EML2: variants seen among roughly 807,000 people sequenced by gnomAD.
EML2 encodes echinoderm microtubule-associated protein-like 2.
In EML2, 59 loss-of-function variants were observed where a neutral mutation model predicts 84.7. The observed-to-expected ratio is 0.70, with a 90% CI of 0.56 to 0.86. EML2 has a LOEUF of 0.86. Among genes scored for constraint, EML2 ranks in the 40% least tolerant of loss-of-function variants. The pLI is 0.00. For missense variants in EML2, 818 were observed against 855.6 expected (o/e 0.96, Z 0.55); for synonymous variants, 352 against 348.9 (o/e 1.01, Z -0.10).
chr19:45,633,484 C>T (rs948385925), intron 4 of EML2, among the ~76,000 whole-genome samples: 5 of 150,778 alleles, frequency 3.3e-5, no homozygotes, highest in African/African-American at 9.7e-5. Flanking sequence ...GAGGCGGAGT[C>T]TCCCAGCACT....
intron 7 of EML2, 96 bp downstream of exon 7, chr19:45,629,855 A>T: frequency 2.0e-6 from 2 of 986,892 alleles, no homozygotes; most frequent in Non-Finnish European, 3.2e-6. Context: ...GCCAGGGCTT[A>T]AACACGGGTC....
chr19:45,638,599 G>C lies in EML2; in HGVS notation c.85C>G (p.Pro29Ala). The change falls in exon 3 of 19, where the codon CCT becomes GCT. Residue 29 changes from proline (P) to alanine (A), a missense_variant. By Grantham distance (27) the Pro-to-Ala change is conservative. Coordinates refer to ENST00000245925, the MANE Select transcript of EML2 (RefSeq NM_012155.4). ...GSVKMFLRGR[P>A]VPMMIPDELA... ...TCGTCTGGGATCATCATGGGCACAGGGCGGCCCCTCAGGAACATTTTCACG... is the reference window on the plus strand; with the variant it reads ...TCGTCTGGGATCATCATGGGCACAGCGCGGCCCCTCAGGAACATTTTCACG... 1 of 1,614,036 alleles carries C rather than the reference G, an allele frequency of 6.2e-7. No homozygotes were observed. Among genetic ancestry groups the C allele is most frequent in the Non-Finnish European group, 8.5e-7 (1 of 1,180,036 alleles).
upstream of EML2, chr19:45,644,660 A>T: frequency 2.2e-6 from 1 of 454,980 alleles, no homozygotes. Flanking sequence ...ACCAGGCCTC[A>T]CTTCCCACTT....
upstream of EML2, chr19:45,641,804 G>T: frequency 6.6e-7 from 1 of 1,524,912 alleles, no homozygotes; most frequent in Non-Finnish European, 8.8e-7. Context: ...GGCGAGTGCC[G>T]TGAGCAAGCG....
At chr19:45,645,009 C>T (rs1568502979), upstream of EML2, 5 of 560,498 alleles carry the variant, frequency 8.9e-6, no homozygotes, top group Non-Finnish European at 1.6e-5. Flanking sequence ...CCCTTCCAAT[C>T]CCAGGTTCCT....
At chr19:45,623,939 C>T (rs1972012343) in intron 9 of EML2, among the ~76,000 whole-genome samples, 1 of 152,222 alleles carries the variant, frequency 6.6e-6, no homozygotes, top group South Asian at 2.1e-4. Context: ...CCTGCCTCAG[C>T]CCCTCAAAGT....
At chr19:45,612,789 G>A (rs1476658608) in intron 18 of EML2, among the ~76,000 whole-genome samples, 1 of 152,196 alleles carries the variant, frequency 6.6e-6, no homozygotes, top group Admixed American at 6.5e-5. Flanking sequence ...AGGAGTCACT[G>A]TACTAGTCTT....
At chr19:45,634,875 G>A (rs570940407) in intron 3 of EML2, among the ~76,000 whole-genome samples, 3 of 149,992 alleles carry the variant, frequency 2.0e-5, no homozygotes, top group African/African-American at 4.9e-5. Flanking sequence ...TTTTTGAGAC[G>A]CAGTCTCGCT....
chr19:45,643,336 G>A (rs577326441), upstream of EML2, among the ~76,000 whole-genome samples: 2 of 152,330 alleles, frequency 1.3e-5, no homozygotes, highest in East Asian at 1.9e-4. Flanking sequence ...GGCAGACCCA[G>A]AAGACCCAAG....
At chr19:45,617,927 C>G (rs1162680571) in intron 12 of EML2, among the ~76,000 whole-genome samples, 4 of 152,184 alleles carry the variant, frequency 2.6e-5, no homozygotes, top group Non-Finnish European at 5.9e-5. Context: ...TCCCGGGATC[C>G]CTCCTTACTC....
At position 45,638,526 on chromosome 19, in the gene EML2, C is replaced by A; in HGVS notation, c.158G>T (p.Cys53Phe). ...SLDTRSELPS[C>F]RLKLEWVYGY... ...ATACACCCACTCCAGCTTGAGCCGGCAAGAAGGCAGCTCCGAGCGTGTGTC... is the reference window on the plus strand; with the variant it reads ...ATACACCCACTCCAGCTTGAGCCGGAAAGAAGGCAGCTCCGAGCGTGTGTC... The change falls in exon 3 of 19, where the codon TGC becomes TTC. Residue 53 changes from cysteine (C) to phenylalanine (F), a missense_variant. Coordinates refer to ENST00000245925, the MANE Select transcript of EML2 (RefSeq NM_012155.4). The A allele has an allele frequency of 6.2e-7, 1 of 1,614,038 alleles. No individual in the cohort carries two copies.
intron 10 of EML2, 63 bp from the exon 11 acceptor site, chr19:45,621,395 C>T (rs1252868202): frequency 7.6e-6 from 12 of 1,573,074 alleles, no homozygotes; most frequent in Non-Finnish European, 1.0e-5. Context: ...GGGTGACATA[C>T]TGTGGGGAGG....
At chr19:45,620,136 C>T (rs986958850) in intron 11 of EML2, among the ~76,000 whole-genome samples, 8 of 151,848 alleles carry the variant, frequency 5.3e-5, no homozygotes, top group East Asian at 3.9e-4. Context: ...TTTTTTTAGA[C>T]GGAATCTCAC....
intron 7 of EML2, 31 bp from the exon 8 acceptor site, chr19:45,626,870 GACCTC>G (rs1360489630): frequency 6.3e-7 from 1 of 1,577,058 alleles, no homozygotes; most frequent in Non-Finnish European, 8.6e-7. Flanking sequence ...TCTGAATGAG[GACCTC>G]AAAGTCCCCA....
chr19:45,643,512 T>C (rs1471357122), upstream of EML2: 2 of 1,533,752 alleles, frequency 1.3e-6, no homozygotes, highest in African/African-American at 1.4e-5. Flanking sequence ...CCCGCTCATT[T>C]TCCCAAAGTG....
At chr19:45,642,302 C>G, upstream of EML2, 2 of 1,535,852 alleles carry the variant, frequency 1.3e-6, no homozygotes, top group Non-Finnish European at 8.7e-7. Flanking sequence ...TGCTCCAGCG[C>G]CGACACGCGG....
chr19:45,619,952 G>A (rs532489913), intron 11 of EML2, among the ~76,000 whole-genome samples: 1 of 152,228 alleles, frequency 6.6e-6, no homozygotes, highest in African/African-American at 2.4e-5. Context: ...TTGGGAGGCT[G>A]AGGCAGGAGG....
At chr19:45,627,084 C>G (rs1401410079) in intron 7 of EML2, among the ~76,000 whole-genome samples, 1 of 151,784 alleles carries the variant, frequency 6.6e-6, no homozygotes, top group African/African-American at 2.4e-5. Flanking sequence ...CTCAGCCTCC[C>G]GAATAGCTGG....
At chr19:45,643,805 G>T (rs903461702), upstream of EML2, 8 of 1,450,000 alleles carry the variant, frequency 5.5e-6, no homozygotes, top group Non-Finnish European at 7.3e-6. Flanking sequence ...CCCACTCAGC[G>T]CCTCCCAGGT....
Sources: gnomAD v4.1 joint callset for allele counts (sites outside exome capture counted in the v4.1 genomes callset) on GRCh38, gnomAD v4.1.1 for gene constraint, MANE v1.5 for transcripts, NCBI Gene and HGNC (gene_info 2026-07-23, HGNC 2026-07-21) for gene names.